The following SYNE1 variants were observed in gnomAD, a reference collection of about 807,000 sequenced individuals.
SYNE1 encodes the protein nesprin-1.
Under a neutral mutation model 1,111.0 loss-of-function variants are expected in SYNE1, and 616 were observed. The observed-to-expected ratio is 0.55, with a 90% confidence interval of 0.52 to 0.59. The LOEUF (loss-of-function observed/expected upper bound fraction) is 0.59, where lower values mean the gene tolerates loss of function less well. Ranked by LOEUF, SYNE1 falls within the 20% of genes least tolerant of loss-of-function variation. SYNE1 has a pLI of 0.00. For synonymous variants in SYNE1, 3,855 were observed against 3,825.8 expected (o/e 1.01, Z -0.28); for missense variants, 10,006 against 10,417.0 (o/e 0.96, Z 1.72).
intron 64 of SYNE1, among the ~76,000 whole-genome samples, 171 bp from the exon 65 acceptor site, chr6:152,359,629 G>GGTGTGTGTGTGT (rs57095244): frequency 2.6e-4 from 38 of 148,596 alleles, no homozygotes; most frequent in African/African-American, 9.1e-4. Flanking sequence ...TGAATGCATG[G>GGTGTGTGTGTGT]GTGTGTGTGT....
intron 134 of SYNE1, 130 bp downstream of exon 134, chr6:152,151,829 A>T (rs2060474148): frequency 6.8e-7 from 1 of 1,480,458 alleles, no homozygotes; most frequent in Admixed American, 2.0e-5. Context: ...CCTTTGCTAT[A>T]TCACTCCCCG....
At chr6:152,369,233 T>A in intron 60 of SYNE1, 106 bp from the exon 61 acceptor site, 1 of 1,479,394 alleles carries the variant, frequency 6.8e-7, no homozygotes, top group Non-Finnish European at 9.2e-7. Flanking sequence ...GCAGTCCGTG[T>A]ACCCTGGAGG....
At chr6:152,424,467 T>C (rs2098320349) in intron 39 of SYNE1, among the ~76,000 whole-genome samples, 1 of 152,236 alleles carries the variant, frequency 6.6e-6, no homozygotes, top group African/African-American at 2.4e-5. Flanking sequence ...ATCAAATCTT[T>C]CCGTAAATTT....
intron 127 of SYNE1, among the ~76,000 whole-genome samples, chr6:152,198,983 G>GCA (rs2074785984): frequency 1.5e-5 from 1 of 65,838 alleles, no homozygotes; most frequent in Non-Finnish European, 3.2e-5. Context: ...TCTTCAATTT[G>GCA]TAAAAAAAAA....
At chr6:152,240,035 G>A (rs1307814194) in intron 107 of SYNE1, among the ~76,000 whole-genome samples, 1 of 152,212 alleles carries the variant, frequency 6.6e-6, no homozygotes, top group African/African-American at 2.4e-5. Context: ...TCCAGCCTGG[G>A]TGGAGAGGAG....
intron 3 of SYNE1, chr6:152,546,290 C>A (rs1269745229): frequency 2.0e-5 from 3 of 152,144 alleles, no homozygotes; most frequent in Admixed American, 1.3e-4. Flanking sequence ...AAGACATTTA[C>A]AGGACCAGGC....
chr6:152,175,372 C>T (rs1407533271), intron 130 of SYNE1, among the ~76,000 whole-genome samples: 3 of 152,280 alleles, frequency 2.0e-5, no homozygotes, highest in East Asian at 1.9e-4. Flanking sequence ...TGCCCACATG[C>T]GGTTTTGATG....
intron 10 of SYNE1, among the ~76,000 whole-genome samples, chr6:152,499,956 G>A (rs2099020240): frequency 6.6e-6 from 1 of 152,150 alleles, no homozygotes; most frequent in African/African-American, 2.4e-5. Flanking sequence ...TAGATTGTGT[G>A]TTTCGAATCT....
chr6:152,523,051 G>A lies in SYNE1; in HGVS notation c.226-2509C>T, dbSNP rs572544107. Among the ~76,000 whole-genome samples the A allele has an allele frequency of 2.2e-3, 336 of 152,032 alleles. 1 individual carries two copies. Among genetic ancestry groups the A allele is most frequent in the South Asian group, 2.9e-3 (14 of 4,830 alleles). ...TTCTTTTGCTTGCAGAAACTTTTTAGTTTAATTAGGTCCATTTATCTATTT... is the reference window on the plus strand; with the variant it reads ...TTCTTTTGCTTGCAGAAACTTTTTAATTTAATTAGGTCCATTTATCTATTT... On this transcript the variant is annotated intron_variant, in intron 5 of 145. Coordinates refer to ENST00000367255, the MANE Select transcript of SYNE1 (RefSeq NM_182961.4).
chr6:152,276,878 C>CTTTT (rs539497198), intron 98 of SYNE1, among the ~76,000 whole-genome samples: 41 of 102,128 alleles, frequency 4.0e-4, no homozygotes, highest in East Asian at 5.6e-4. Context: ...ACTCTGCACT[C>CTTTT]TTTTTTTTTT....
intron 63 of SYNE1, among the ~76,000 whole-genome samples, chr6:152,364,533 G>A (rs1377557380): frequency 2.6e-5 from 4 of 151,392 alleles, no homozygotes; most frequent in Non-Finnish European, 4.4e-5. Flanking sequence ...CATTGGCACA[G>A]TATTCAGGTC....
intron 105 of SYNE1, among the ~76,000 whole-genome samples, chr6:152,247,780 C>CACAT (rs1562485252): frequency 7.8e-6 from 1 of 128,290 alleles, no homozygotes; most frequent in East Asian, 2.3e-4. Flanking sequence ...CACACACACA[C>CACAT]ATATATTTTT....
At chr6:152,262,253 A>T (rs1166502315) in intron 100 of SYNE1, 65 bp from the exon 101 acceptor site, 6 of 1,453,824 alleles carry the variant, frequency 4.1e-6, no homozygotes, top group Non-Finnish European at 5.8e-6. Context: ...CAGGTAACTT[A>T]TTGTGTGTAC....
chr6:152,599,942 A>G (rs2099592213), intron 3 of SYNE1, among the ~76,000 whole-genome samples: 1 of 152,260 alleles, frequency 6.6e-6, no homozygotes, highest in African/African-American at 2.4e-5. Flanking sequence ...TGGAGACACA[A>G]GAACTACCTG....
chr6:152,465,772 C>CAA (rs2098761816), intron 17 of SYNE1, among the ~76,000 whole-genome samples: 2 of 150,404 alleles, frequency 1.3e-5, no homozygotes, highest in African/African-American at 5.0e-5. Context: ...CACATACACA[C>CAA]ACACACACAC....
At chr6:152,189,488 A>G (rs2071562268) in intron 127 of SYNE1, 81 bp from the exon 128 acceptor site, 1 of 1,409,112 alleles carries the variant, frequency 7.1e-7, no homozygotes, top group African/African-American at 1.4e-5. Flanking sequence ...CCCTCTTGAT[A>G]GAATTTCCTT....
chr6:152,210,674 A>G (rs1427195309), intron 124 of SYNE1, among the ~76,000 whole-genome samples: 2 of 152,180 alleles, frequency 1.3e-5, no homozygotes, highest in African/African-American at 4.8e-5. Flanking sequence ...CCTAAATATG[A>G]GAAAGGTATA....
chr6:152,433,999 A>T, intron 33 of SYNE1, 54 bp from the exon 34 acceptor site: 1 of 1,476,094 alleles, frequency 6.8e-7, no homozygotes, highest in Non-Finnish European at 9.3e-7. Context: ...AGAGAACAAC[A>T]ACACATTTTC....
intron 93 of SYNE1, among the ~76,000 whole-genome samples, chr6:152,294,415 A>G (rs1253614373): frequency 6.6e-6 from 1 of 152,258 alleles, no homozygotes; most frequent in East Asian, 1.9e-4. Flanking sequence ...ATGGAAATAC[A>G]AAGGATTTAA....
Sources: gnomAD v4.1 joint callset for allele counts (sites outside exome capture counted in the v4.1 genomes callset) on GRCh38, gnomAD v4.1.1 for gene constraint, MANE v1.5 for transcripts, NCBI Gene and HGNC (gene_info 2026-07-23, HGNC 2026-07-21) for gene names.